EDA: variants seen among roughly 807,000 people sequenced by gnomAD.
EDA encodes ectodysplasin A, also known as ectodysplasin-A.
EDA carries 2 observed loss-of-function variants against 23.6 expected under a neutral mutation model. The observed-to-expected ratio is 0.08, with a 90% CI of 0.03 to 0.27. EDA has a LOEUF of 0.27. Ranked by LOEUF, EDA falls within the 10% of genes least tolerant of loss-of-function variation. The pLI is 1.00. For synonymous variants in EDA, 131 were observed against 132.0 expected, an observed-to-expected ratio of 0.99 and a Z score of 0.05; for missense variants, 229 against 324.2, an observed-to-expected ratio of 0.71 and a Z score of 2.26.
intron 1 of EDA, among the ~76,000 whole-genome samples, chrX:69,659,235 G>A (rs186857625): frequency 8.9e-6 from 1 of 112,214 alleles, no homozygotes; most frequent in Admixed American, 9.5e-5. Flanking sequence ...CTTTTGGGTT[G>A]AACAGGTTCT....
chrX:69,638,105 C>G (rs1932799083), intron 1 of EDA, among the ~76,000 whole-genome samples: 1 of 111,727 alleles, frequency 9.0e-6, no homozygotes, highest in African/African-American at 3.3e-5. Context: ...ATACTTTAGG[C>G]TCTGCTACTC....
At chrX:69,845,438 G>A (rs1389130980) in intron 1 of EDA, among the ~76,000 whole-genome samples, 1 of 112,162 alleles carries the variant, frequency 8.9e-6, no homozygotes, top group Non-Finnish European at 1.9e-5. Flanking sequence ...AGCCTTACCT[G>A]TAAAGGCTTT....
At chrX:69,698,202 GTTA>G (rs963237020) in intron 1 of EDA, among the ~76,000 whole-genome samples, 1 of 111,629 alleles carries the variant, frequency 9.0e-6, no homozygotes, top group Non-Finnish European at 1.9e-5. Flanking sequence ...CTTTGTTTAG[GTTA>G]TTATATACAG....
In EDA at chrX:69,752,335, C is replaced by T. The variant is rs755555301; in HGVS notation, c.396+135631C>T. ...CCTTTTCTGCATCTATTGTGATAAT[C>T]ATGTGGTTTTTGTCTTTGGTTTTAT... is the stretch of plus-strand genomic sequence containing the variant. On this transcript the variant is annotated intron_variant, in intron 1 of 7. Coordinates refer to ENST00000374552, the MANE Select transcript of EDA (RefSeq NM_001399.5). Among the ~76,000 whole-genome samples the T allele has an allele frequency of 1.1e-4, 12 of 111,710 alleles. No individual in the cohort carries two copies. In the South Asian group the frequency reaches 4.1e-3, roughly 38 times the overall value.
chrX:69,975,930 A>T (rs776756147), intron 2 of EDA, among the ~76,000 whole-genome samples: 1 of 112,273 alleles, frequency 8.9e-6, no homozygotes, highest in Non-Finnish European at 1.9e-5. Context: ...TGTGACTCAC[A>T]TTATGTTTCT....
At chrX:69,622,884 A>G (rs1296346392) in intron 1 of EDA, among the ~76,000 whole-genome samples, 3 of 111,981 alleles carry the variant, frequency 2.7e-5, no homozygotes, top group Non-Finnish European at 5.6e-5. Context: ...GCTAAGATAC[A>G]GAAACTAAGC....
At chrX:69,966,573 CAAA>C (rs751957411) in intron 2 of EDA, among the ~76,000 whole-genome samples, 2 of 44,098 alleles carry the variant, frequency 4.5e-5, no homozygotes, top group Non-Finnish European at 4.9e-5. Context: ...GACTCCATCT[CAAA>C]AAAAAAAAAA....
chrX:69,822,022 C>T (rs1283804294), intron 1 of EDA, among the ~76,000 whole-genome samples: 1 of 111,288 alleles, frequency 9.0e-6, no homozygotes, highest in African/African-American at 3.3e-5. Context: ...GTGGCTCACT[C>T]CTGTAATTTC....
At chrX:69,819,320 C>A (rs1267932501) in intron 1 of EDA, among the ~76,000 whole-genome samples, 1 of 111,838 alleles carries the variant, frequency 8.9e-6, no homozygotes, top group Non-Finnish European at 1.9e-5. Context: ...AGACAAGGAT[C>A]CCATCTCTCA....
At chrX:69,852,018 T>G (rs1279456515) in intron 1 of EDA, among the ~76,000 whole-genome samples, 1 of 112,373 alleles carries the variant, frequency 8.9e-6, no homozygotes, top group Non-Finnish European at 1.9e-5. Context: ...TAAGGCATGT[T>G]ATATCCTACA....
chrX:69,689,063 C>T (rs1310630877), intron 1 of EDA, among the ~76,000 whole-genome samples: 1 of 111,301 alleles, frequency 9.0e-6, no homozygotes, highest in African/African-American at 3.3e-5. Context: ...TGATTGTAAA[C>T]GTAAGCGTTT....
rs190367873 is a variant in EDA, at chrX:69,943,294, T to C, written c.397-13733T>C. ...TATTGACTAGTCTCCGCAGTCTAGG[T>C]TTATTTGAACCCATCCTTCTTGGGA... On this transcript the variant is annotated intron_variant, in intron 1 of 7. Coordinates refer to ENST00000374552, the MANE Select transcript of EDA (RefSeq NM_001399.5). Among the ~76,000 whole-genome samples the C allele has an allele frequency of 4.2e-3, 467 of 111,127 alleles. 3 individuals carry two copies. Among genetic ancestry groups the C allele is most frequent in the Non-Finnish European group, 7.3e-3 (387 of 52,950 alleles).
intron 1 of EDA, among the ~76,000 whole-genome samples, chrX:69,656,488 G>A (rs1271203329): frequency 8.9e-6 from 1 of 111,913 alleles, no homozygotes; most frequent in Non-Finnish European, 1.9e-5. Context: ...ATGTATATAT[G>A]TATGTATGTA....
At chrX:69,909,313 T>C (rs1254814593) in intron 1 of EDA, among the ~76,000 whole-genome samples, 1 of 112,373 alleles carries the variant, frequency 8.9e-6, no homozygotes, top group Non-Finnish European at 1.9e-5. Context: ...TTTGTTTTGT[T>C]TGAGACAGTG....
intron 1 of EDA, among the ~76,000 whole-genome samples, chrX:69,662,850 C>A (rs766141535): frequency 8.9e-6 from 1 of 112,359 alleles, no homozygotes; most frequent in Non-Finnish European, 1.9e-5. Context: ...ATGACTCTTG[C>A]TATGTTTTAA....
intron 1 of EDA, among the ~76,000 whole-genome samples, chrX:69,715,590 A>G (rs2012294201): frequency 9.0e-6 from 1 of 111,715 alleles, no homozygotes; most frequent in South Asian, 3.7e-4. Context: ...AATGATTTAT[A>G]TTCCTTTGGG....
chrX:69,940,047 TC>T (rs1432847992), intron 1 of EDA, among the ~76,000 whole-genome samples: 1 of 111,007 alleles, frequency 9.0e-6, no homozygotes, highest in African/African-American at 3.3e-5. Flanking sequence ...CTTGTAGTTT[TC>T]TTTTTTTGAT....
chrX:69,944,255 G>A (rs2018803424), intron 1 of EDA, among the ~76,000 whole-genome samples: 1 of 111,936 alleles, frequency 8.9e-6, no homozygotes, highest in African/African-American at 3.2e-5. Context: ...TTCTCTCATA[G>A]CCACCACAGT....
At chrX:69,711,028 T>C (rs1381051123) in intron 1 of EDA, among the ~76,000 whole-genome samples, 1 of 111,472 alleles carries the variant, frequency 9.0e-6, no homozygotes, top group African/African-American at 3.3e-5. Flanking sequence ...TCCAACACTA[T>C]GTTGAATAGG....
Sources: allele counts gnomAD v4.1 joint callset (sites outside exome capture counted in the v4.1 genomes callset), GRCh38; gene constraint gnomAD v4.1.1; transcripts MANE v1.5; gene names NCBI Gene and HGNC (gene_info 2026-07-23, HGNC 2026-07-21).